The following PTPRD variants were observed in gnomAD, a reference collection of about 807,000 sequenced individuals.
The protein encoded by PTPRD is protein tyrosine phosphatase receptor type D, also known as receptor-type tyrosine-protein phosphatase delta.
A neutral mutation model predicts 214.5 loss-of-function variants in PTPRD; 34 were observed. That is an observed-to-expected ratio of 0.16 (90% CI 0.12 to 0.21). PTPRD has a LOEUF of 0.21. PTPRD is among the 10% of genes least tolerant of loss of function. The pLI is 1.00. For missense variants in PTPRD, 2,545 were observed against 2,398.7 expected (o/e 1.06, Z -1.27); for synonymous variants, 1,128 against 845.7 (o/e 1.33, Z -5.79).
At chr9:9,118,810 C>T (rs2099814753) in intron 10 of PTPRD, among the ~76,000 whole-genome samples, 1 of 152,074 alleles carries the variant, frequency 6.6e-6, no homozygotes, top group Non-Finnish European at 1.5e-5. Flanking sequence ...GGATGAAGTA[C>T]TTATTCTACC....
intron 14 of PTPRD, among the ~76,000 whole-genome samples, chr9:8,547,087 T>C (rs2080396557): frequency 6.6e-6 from 1 of 152,164 alleles, no homozygotes; most frequent in African/African-American, 2.4e-5. Context: ...CTCTTTGAAA[T>C]AAAGTTATCA....
intron 12 of PTPRD, among the ~76,000 whole-genome samples, chr9:8,671,947 C>T (rs2097296758): frequency 6.6e-6 from 1 of 152,130 alleles, no homozygotes; most frequent in East Asian, 1.9e-4. Context: ...CATACATACT[C>T]AAATATTCAT....
chr9:8,702,072 C>T (rs1157115870), intron 12 of PTPRD, among the ~76,000 whole-genome samples: 1 of 152,026 alleles, frequency 6.6e-6, no homozygotes, highest in African/African-American at 2.4e-5. Flanking sequence ...CTCTCAATTA[C>T]TTTGTGTCAC....
chr9:10,002,866 C>T (rs1192369177), intron 4 of PTPRD, among the ~76,000 whole-genome samples: 1 of 151,294 alleles, frequency 6.6e-6, no homozygotes, highest in Non-Finnish European at 1.5e-5. Flanking sequence ...ATACACTAGC[C>T]GAATACACAA....
intron 9 of PTPRD, among the ~76,000 whole-genome samples, chr9:9,303,829 G>T (rs561229525): frequency 9.2e-5 from 14 of 152,164 alleles, no homozygotes; most frequent in African/African-American, 3.1e-4. Flanking sequence ...ACAAACACTG[G>T]CAACCACATT....
At chr9:9,743,724 C>T (rs1304829093) in intron 6 of PTPRD, among the ~76,000 whole-genome samples, 1 of 82,802 alleles carries the variant, frequency 1.2e-5, no homozygotes, top group African/African-American at 4.8e-5. Flanking sequence ...AGCAAAAACT[C>T]AGTCTATACA....
chr9:9,051,502 G>C (rs952279785), intron 10 of PTPRD, among the ~76,000 whole-genome samples: 1 of 152,118 alleles, frequency 6.6e-6, no homozygotes, highest in Non-Finnish European at 1.5e-5. Context: ...GTTACATTCA[G>C]CTATGAAAAT....
chr9:8,914,042 A>G (rs567292212), intron 11 of PTPRD, among the ~76,000 whole-genome samples: 1 of 152,270 alleles, frequency 6.6e-6, no homozygotes, highest in African/African-American at 2.4e-5. Context: ...GATTAATTAT[A>G]CAATCAGACT....
chr9:8,428,685 G>C (rs916725462), intron 35 of PTPRD, among the ~76,000 whole-genome samples: 1 of 152,106 alleles, frequency 6.6e-6, no homozygotes, highest in Non-Finnish European at 1.5e-5. Flanking sequence ...GTGTGTGTGT[G>C]TATGTGTGTG....
chr9:9,133,242 A>G (rs964446960), intron 10 of PTPRD, among the ~76,000 whole-genome samples: 2 of 152,202 alleles, frequency 1.3e-5, no homozygotes, highest in Non-Finnish European at 2.9e-5. Flanking sequence ...GCTGGCAGAT[A>G]GATGGTGATG....
At chr9:10,155,107 C>T (rs2099085199) in intron 3 of PTPRD, among the ~76,000 whole-genome samples, 1 of 152,038 alleles carries the variant, frequency 6.6e-6, no homozygotes, top group African/African-American at 2.4e-5. Context: ...TTGTTTCTGT[C>T]ATCCCTGATT....
intron 11 of PTPRD, among the ~76,000 whole-genome samples, chr9:8,913,007 G>T (rs72706213): frequency 0.16 from 23,672 of 151,942 alleles, 2,083 homozygotes; most frequent in East Asian, 0.29. Flanking sequence ...ATTTTGAAAA[G>T]TCTTTTAGGT....
chr9:9,120,158 G>A (rs552400572), intron 10 of PTPRD, among the ~76,000 whole-genome samples: 1 of 152,284 alleles, frequency 6.6e-6, no homozygotes, highest in South Asian at 2.1e-4. Flanking sequence ...AATTCACAGT[G>A]CACATTGGCA....
chr9:10,603,121 G>C (rs545379870), intron 2 of PTPRD, among the ~76,000 whole-genome samples: 1 of 151,812 alleles, frequency 6.6e-6, no homozygotes, highest in Admixed American at 6.6e-5. Flanking sequence ...GGAACTGAAT[G>C]AATTAATCTT....
intron 4 of PTPRD, among the ~76,000 whole-genome samples, chr9:10,000,522 A>G (rs755437205): frequency 6.6e-6 from 1 of 152,190 alleles, no homozygotes; most frequent in Non-Finnish European, 1.5e-5. Context: ...GTAGCCAGAA[A>G]TAATTGTCGT....
At chr9:8,531,740 T>C (rs143770754) in intron 14 of PTPRD, among the ~76,000 whole-genome samples, 148 of 152,230 alleles carry the variant, frequency 9.7e-4, no homozygotes, top group African/African-American at 2.9e-3. Flanking sequence ...TACAAGTTCA[T>C]CTCTCGGAAG....
At chr9:8,526,771 T>C (rs1481467459) in intron 16 of PTPRD, 127 bp from the exon 17 acceptor site, 2 of 660,088 alleles carry the variant, frequency 3.0e-6, no homozygotes, top group African/African-American at 1.8e-5. Context: ...TAAAAGAAAC[T>C]TGAATTACTA....
At chr9:9,165,828 T>G (rs779329777) in intron 10 of PTPRD, among the ~76,000 whole-genome samples, 1 of 152,216 alleles carries the variant, frequency 6.6e-6, no homozygotes, top group Non-Finnish European at 1.5e-5. Context: ...TATCAAAAGA[T>G]ACTGATGTAG....
chr9:8,438,803 C>A (rs1414055210), intron 34 of PTPRD: 3 of 152,128 alleles, frequency 2.0e-5, no homozygotes, highest in Non-Finnish European at 2.9e-5. Flanking sequence ...GCGTAGGGGA[C>A]TGAATTACTG....
Sources: gnomAD v4.1 joint callset for allele counts (sites outside exome capture counted in the v4.1 genomes callset) on GRCh38, gnomAD v4.1.1 for gene constraint, MANE v1.5 for transcripts, NCBI Gene and HGNC (gene_info 2026-07-23, HGNC 2026-07-21) for gene names.